CTDSPL2: variants seen among roughly 807,000 people sequenced by gnomAD.
CTDSPL2 encodes the protein CTD small phosphatase like 2.
Under a neutral mutation model 60.0 loss-of-function variants are expected in CTDSPL2, and 5 were observed. That is an observed-to-expected ratio of 0.08 (90% CI 0.04 to 0.18). The LOEUF (loss-of-function observed/expected upper bound fraction) is 0.18, where lower values mean the gene tolerates loss of function less well. Among genes scored for constraint, CTDSPL2 ranks in the 10% least tolerant of loss-of-function variants. CTDSPL2 has a pLI of 1.00. For synonymous variants in CTDSPL2, 186 were observed against 189.3 expected (o/e 0.98, Z 0.14); for missense variants, 370 against 548.8 (o/e 0.67, Z 3.26).
chr15:44,477,089 C>A (rs1263321531), intron 2 of CTDSPL2, among the ~76,000 whole-genome samples: 1 of 152,194 alleles, frequency 6.6e-6, no homozygotes, highest in East Asian at 1.9e-4. Flanking sequence ...ATTAGTCAAG[C>A]GTGGTGCTGC....
intron 1 of CTDSPL2, among the ~76,000 whole-genome samples, chr15:44,449,589 C>T (rs767477063): frequency 1.1e-4 from 17 of 152,136 alleles, no homozygotes; most frequent in Non-Finnish European, 2.2e-4. Context: ...CCTCGGCTTC[C>T]CAAAGTGTTG....
At chr15:44,474,664 T>C (rs932432417) in intron 2 of CTDSPL2, among the ~76,000 whole-genome samples, 1 of 152,096 alleles carries the variant, frequency 6.6e-6, no homozygotes, top group African/African-American at 2.4e-5. Flanking sequence ...GAGACCAGCC[T>C]GGCCAACATA....
At chr15:44,466,529 G>A (rs1322092913) in intron 2 of CTDSPL2, among the ~76,000 whole-genome samples, 2 of 152,094 alleles carry the variant, frequency 1.3e-5, no homozygotes, top group Non-Finnish European at 2.9e-5. Flanking sequence ...GCACTAATTG[G>A]CAATTTTGTC....
rs574902189 is a variant in CTDSPL2 at position 44,516,571 on chromosome 15, C to G, written c.1112+1727C>G. 2.6e-5 allele frequency: 4 copies of G among 152,058 alleles called. No homozygotes were observed. The East Asian group carries it at 7.7e-4, about 29-fold the overall frequency. The allele number at this position is 152,058 out of a possible 1,614,324, so 9.4% of individuals were successfully genotyped here. On this transcript the variant is annotated intron_variant, in intron 10 of 12. Coordinates refer to ENST00000260327, the MANE Select transcript of CTDSPL2 (RefSeq NM_016396.3). ...TTTACCTCACTTTACTAAAGTATACCCAGTGATTTTGTTTTGATGACTTCA... is the reference window on the plus strand; with the variant it reads ...TTTACCTCACTTTACTAAAGTATACGCAGTGATTTTGTTTTGATGACTTCA...
chr15:44,485,089 T>C (rs1471325326), intron 3 of CTDSPL2, among the ~76,000 whole-genome samples: 1 of 152,196 alleles, frequency 6.6e-6, no homozygotes, highest in Non-Finnish European at 1.5e-5. Context: ...CCAAGGGACA[T>C]TTGTCAATAT....
At chr15:44,445,082 G>C (rs1263798412) in intron 1 of CTDSPL2, among the ~76,000 whole-genome samples, 1 of 151,700 alleles carries the variant, frequency 6.6e-6, no homozygotes, top group Non-Finnish European at 1.5e-5. Flanking sequence ...CAGACCTTGT[G>C]ATCCGCCCGC....
At chr15:44,484,924 C>T (rs2081091804) in intron 3 of CTDSPL2, among the ~76,000 whole-genome samples, 1 of 152,116 alleles carries the variant, frequency 6.6e-6, no homozygotes, top group South Asian at 2.1e-4. Flanking sequence ...ACATTTTGAA[C>T]ATCTAAATAA....
Position 44,427,748 on chromosome 15 carries a change from G to A in CTDSPL2, c.-49G>A. 2 of 399,326 alleles carry A rather than the reference G, an allele frequency of 5.0e-6. No homozygotes were observed. The highest frequency in any genetic ancestry group is 4.4e-5 in the Admixed American group (1 of 22,740). 24.7% of individuals were successfully genotyped at this position (399,326 alleles called of 1,614,324 possible). A position where few individuals can be genotyped will look rare whatever the true frequency, so the allele number is the denominator to read the frequency against. On this transcript the variant is annotated 5_prime_UTR_variant, in exon 1 of 13. Transcript: ENST00000260327. ...GTCGGGACCATCGCCGGAGCCTGAG[G>A]ACACTTCTCTGTCGTCACAGTTAGG...
At chr15:44,457,040 C>G (rs1421057548) in intron 1 of CTDSPL2, among the ~76,000 whole-genome samples, 1 of 151,908 alleles carries the variant, frequency 6.6e-6, no homozygotes, top group African/African-American at 2.4e-5. Flanking sequence ...CCATGGCCAG[C>G]TAATTTTTGT....
chr15:44,478,150 G>T (rs552570113), intron 2 of CTDSPL2, among the ~76,000 whole-genome samples: 1 of 151,762 alleles, frequency 6.6e-6, no homozygotes, highest in South Asian at 2.1e-4. Context: ...TGAATTCCTT[G>T]GAAAAGATTG....
At chr15:44,444,211 C>T (rs1175148515) in intron 1 of CTDSPL2, among the ~76,000 whole-genome samples, 2 of 151,422 alleles carry the variant, frequency 1.3e-5, no homozygotes, top group South Asian at 2.1e-4. Flanking sequence ...GGTTTTGACA[C>T]CCAATTTATC....
chr15:44,486,873 C>A (rs1595749030), intron 4 of CTDSPL2, among the ~76,000 whole-genome samples, 173 bp downstream of exon 4: 1 of 151,542 alleles, frequency 6.6e-6, no homozygotes, highest in African/African-American at 2.4e-5. Context: ...AAGCAATACT[C>A]CTGCCTCAGC....
intron 8 of CTDSPL2, among the ~76,000 whole-genome samples, chr15:44,509,413 G>A (rs1453796777): frequency 6.6e-6 from 1 of 151,906 alleles, no homozygotes; most frequent in Non-Finnish European, 1.5e-5. Flanking sequence ...CACCATGTTG[G>A]CCAGGCTGGT....
intron 8 of CTDSPL2, among the ~76,000 whole-genome samples, chr15:44,507,667 A>G (rs149681980): frequency 6.6e-6 from 1 of 152,190 alleles, no homozygotes; most frequent in Non-Finnish European, 1.5e-5. Flanking sequence ...CATGTGAACT[A>G]AATTAAACAG....
intron 1 of CTDSPL2, among the ~76,000 whole-genome samples, chr15:44,453,177 T>C (rs1025388168): frequency 2.6e-5 from 4 of 152,162 alleles, no homozygotes; most frequent in Admixed American, 2.6e-4. Context: ...TCCAGTAAAA[T>C]GTTGAATAGA....
At chr15:44,500,517 A>C (rs1441127028) in intron 8 of CTDSPL2, among the ~76,000 whole-genome samples, 1 of 152,206 alleles carries the variant, frequency 6.6e-6, no homozygotes, top group Non-Finnish European at 1.5e-5. Flanking sequence ...GGAGGTTGTT[A>C]TTTAACTAGC....
chr15:44,476,071 AT>A (rs199792210), intron 2 of CTDSPL2, among the ~76,000 whole-genome samples: 51 of 151,296 alleles, frequency 3.4e-4, no homozygotes, highest in Non-Finnish European at 6.9e-4. Context: ...AAAAAGTTAC[AT>A]TTTTTTTTAT....
intron 2 of CTDSPL2, among the ~76,000 whole-genome samples, chr15:44,473,356 C>T (rs1001260445): frequency 1.3e-5 from 2 of 152,026 alleles, no homozygotes; most frequent in African/African-American, 2.4e-5. Context: ...AGTGCAGTGG[C>T]ACGATCTCAG....
intron 8 of CTDSPL2, among the ~76,000 whole-genome samples, chr15:44,504,595 C>T (rs533557764): frequency 7.8e-4 from 119 of 151,780 alleles, no homozygotes; most frequent in African/African-American, 2.8e-3. Context: ...CTTTTGAGGC[C>T]GGGGCAGTGG....
Sources: allele counts gnomAD v4.1 joint callset (sites outside exome capture counted in the v4.1 genomes callset), GRCh38; gene constraint gnomAD v4.1.1; transcripts MANE v1.5; gene names NCBI Gene and HGNC (gene_info 2026-07-23, HGNC 2026-07-21).